Variants in MRPL34 observed in about 807,000 individuals in gnomAD.
The protein encoded by MRPL34 is large ribosomal subunit protein bL34m.
In MRPL34, 8 loss-of-function variants were observed where a neutral mutation model predicts 6.7. The ratio of observed to expected loss-of-function variants is 1.20; its 90% CI spans 0.70 to 2.16. The LOEUF (loss-of-function observed/expected upper bound fraction) is 2.16. Ranked by LOEUF, MRPL34 falls within the 30% of genes most tolerant of loss-of-function variation. The pLI is 0.00. For missense variants in MRPL34, 146 were observed against 125.5 expected (o/e 1.16, Z -0.78); for synonymous variants, 59 against 55.1 (o/e 1.07, Z -0.31).
At chr19:17,303,682 C>A (rs1312078114), upstream of MRPL34, among the ~76,000 whole-genome samples, 1 of 152,114 alleles carries the variant, frequency 6.6e-6, no homozygotes, top group East Asian at 1.9e-4. Context: ...CGGCCGGGGC[C>A]CTCTCTCTGC....
upstream of MRPL34, chr19:17,301,387 C>T (rs1037237789): frequency 4.3e-6 from 7 of 1,611,470 alleles, no homozygotes; most frequent in Admixed American, 1.7e-5. Context: ...GCGCTGACAG[C>T]GGACCAAGCC....
upstream of MRPL34, among the ~76,000 whole-genome samples, chr19:17,302,497 T>A (rs1419445037): frequency 2.6e-5 from 4 of 152,214 alleles, no homozygotes. Context: ...GTGAGGCTCC[T>A]GGCTCTGAAT....
upstream of MRPL34, among the ~76,000 whole-genome samples, chr19:17,299,759 T>TG (rs944710529): frequency 3.9e-5 from 6 of 152,030 alleles, no homozygotes; most frequent in Non-Finnish European, 7.4e-5. Context: ...AAAATGGGAT[T>TG]TTTTTCAAGG....
At chr19:17,299,411 AT>A (rs963887902), upstream of MRPL34, among the ~76,000 whole-genome samples, 41 of 152,096 alleles carry the variant, frequency 2.7e-4, no homozygotes, top group African/African-American at 9.6e-4. Flanking sequence ...AAGACAAAAA[AT>A]TAGCCAGGCA....
At chr19:17,296,278 T>G (rs1204866328) in intron 1 of MRPL34, 1 of 152,280 alleles carries the variant, frequency 6.6e-6, no homozygotes, top group East Asian at 1.9e-4. Context: ...GGTCTTGAAC[T>G]TCTGGGCTCA....
chr19:17,301,809 T>TGTGTGTGTGTG (rs397946390), upstream of MRPL34, among the ~76,000 whole-genome samples: 1 of 149,490 alleles, frequency 6.7e-6, no homozygotes, highest in African/African-American at 2.5e-5. Flanking sequence ...TGTGTGTGTG[T>TGTGTGTGTGTG]TTTTGAGACA....
intron 1 of MRPL34, among the ~76,000 whole-genome samples, chr19:17,293,566 A>C (rs1410179749): frequency 2.6e-5 from 4 of 152,072 alleles, no homozygotes; most frequent in Non-Finnish European, 5.9e-5. Flanking sequence ...ACTAGATGCC[A>C]GTAGTACCCC....
At chr19:17,302,679 G>A (rs1354182513), upstream of MRPL34, among the ~76,000 whole-genome samples, 1 of 152,198 alleles carries the variant, frequency 6.6e-6, no homozygotes, top group Non-Finnish European at 1.5e-5. Context: ...TTGGCACCCT[G>A]GATTCTGGGG....
intron 1 of MRPL34, chr19:17,294,159 C>T: frequency 4.2e-6 from 5 of 1,181,122 alleles, no homozygotes; most frequent in Non-Finnish European, 5.8e-6. Context: ...CACGCCCACC[C>T]GGCAGCCACG....
upstream of MRPL34, chr19:17,297,870 A>C (rs1218067484): frequency 6.6e-6 from 1 of 150,412 alleles, no homozygotes; most frequent in East Asian, 2.0e-4. Context: ...TGTTGGGATT[A>C]TAGGTGTAAG....
At chr19:17,301,488 C>T (rs1304968406), upstream of MRPL34, 3 of 1,611,600 alleles carry the variant, frequency 1.9e-6, no homozygotes, top group Admixed American at 5.0e-5. Context: ...TCACCCGCAG[C>T]ACGCGGCCGG....
In MRPL34 at chr19:17,292,616, C is replaced by T. The variant is rs542562290; in HGVS notation, c.-25C>T. 1.3e-4 allele frequency: 201 copies of T among 1,556,738 alleles called. 2 individuals carry two copies. The South Asian group carries it at 1.5e-3, about 12-fold the overall frequency. On this transcript the variant is annotated 5_prime_UTR_variant, in exon 1 of 3. Coordinates refer to the MRPL34 transcript ENST00000595444. ...ACCTGGCGCAGGCTCGGGCCTCCTC[C>T]TGCTGCGGCTGTGCTCACCAAGCGA...
chr19:17,301,572 G>T, upstream of MRPL34: 1 of 1,593,394 alleles, frequency 6.3e-7, no homozygotes. Context: ...TGGGGGGCGT[G>T]CCCAGCAGGC....
At chr19:17,301,824 C>T (rs2074121442), upstream of MRPL34, among the ~76,000 whole-genome samples, 1 of 150,750 alleles carries the variant, frequency 6.6e-6, no homozygotes, top group Non-Finnish European at 1.5e-5. Flanking sequence ...GAGACAGTCT[C>T]GCTTTGTCAT....
At chr19:17,300,518 C>T (rs2074112525), upstream of MRPL34, among the ~76,000 whole-genome samples, 1 of 152,088 alleles carries the variant, frequency 6.6e-6, no homozygotes, top group South Asian at 2.1e-4. Flanking sequence ...CCCTCTGTCG[C>T]CCAGGCTGGA....
At chr19:17,306,070 A>C in intron 1 of MRPL34, 96 bp from the exon 2 acceptor site, 1 of 1,530,874 alleles carries the variant, frequency 6.5e-7, no homozygotes, top group East Asian at 2.3e-5. Context: ...TTTTGCAGCC[A>C]GGCTCTGTCT....
upstream of MRPL34, chr19:17,301,299 C>T (rs1340356877): frequency 6.2e-7 from 1 of 1,607,122 alleles, no homozygotes; most frequent in East Asian, 2.2e-5. Flanking sequence ...AGCCATTCTG[C>T]CCGTGTAGGA....
intron 1 of MRPL34, among the ~76,000 whole-genome samples, chr19:17,294,013 CT>C (rs2074082237): frequency 6.6e-6 from 1 of 152,136 alleles, no homozygotes; most frequent in Non-Finnish European, 1.5e-5. Context: ...TGAGGAGAGC[CT>C]TCTTACAGCG....
At chr19:17,298,209 C>G (rs536419178), upstream of MRPL34, 5 of 152,134 alleles carry the variant, frequency 3.3e-5, no homozygotes, top group South Asian at 2.1e-4. Flanking sequence ...TGAGCCACCA[C>G]GCCTGGCCTT....
Sources: gnomAD v4.1 joint callset for allele counts (sites outside exome capture counted in the v4.1 genomes callset) on GRCh38, gnomAD v4.1.1 for gene constraint, MANE v1.5 for transcripts, NCBI Gene and HGNC (gene_info 2026-07-23, HGNC 2026-07-21) for gene names.